The following NXPE2 variants were observed in gnomAD, a reference collection of about 807,000 sequenced individuals.
The protein encoded by NXPE2 is NXPE family member 2.
A neutral mutation model predicts 34.4 loss-of-function variants in NXPE2; 34 were observed. That is an observed-to-expected ratio of 0.99 (90% CI 0.75 to 1.31). The LOEUF (loss-of-function observed/expected upper bound fraction) is 1.31. NXPE2 is among the 40% of genes most tolerant of loss of function. NXPE2 has a pLI of 0.00. For synonymous variants in NXPE2, 235 were observed against 231.3 expected (o/e 1.02, Z -0.15); for missense variants, 649 against 672.5 (o/e 0.97, Z 0.39).
At chr11:114,637,829 A>T in the NXPE2 span, among the ~76,000 whole-genome samples, 5 of 151,968 alleles carry the variant, frequency 3.3e-5, no homozygotes, top group Non-Finnish European at 7.4e-5. Context: ...CTGCCAAGAG[A>T]TCTGCTGTTA....
the NXPE2 span, among the ~76,000 whole-genome samples, chr11:114,549,135 G>A: frequency 6.6e-6 from 1 of 151,864 alleles, no homozygotes; most frequent in Non-Finnish European, 1.5e-5. Context: ...AAGTAGCAGA[G>A]CACTGCTACT....
the NXPE2 span, among the ~76,000 whole-genome samples, chr11:114,712,292 G>C: frequency 6.6e-6 from 1 of 151,946 alleles, no homozygotes; most frequent in African/African-American, 2.4e-5. Flanking sequence ...ACAAACAAAT[G>C]GGACTACATC....
At chr11:114,612,934 A>G in the NXPE2 span, among the ~76,000 whole-genome samples, 4 of 151,878 alleles carry the variant, frequency 2.6e-5, no homozygotes, top group African/African-American at 9.7e-5. Context: ...GTTGCATCGC[A>G]TGTATCCACT....
At chr11:114,775,978 C>G in the NXPE2 span, among the ~76,000 whole-genome samples, 1 of 152,182 alleles carries the variant, frequency 6.6e-6, no homozygotes, top group Non-Finnish European at 1.5e-5. Context: ...CAATTCATTA[C>G]TGCAAGGATG....
At chr11:114,671,178 A>T in the NXPE2 span, among the ~76,000 whole-genome samples, 21,612 of 150,920 alleles carry the variant, frequency 0.14, 1,906 homozygotes, top group East Asian at 0.38. Flanking sequence ...ACTTAACAGT[A>T]GATTTGAACT....
chr11:114,559,026 C>G, the NXPE2 span, among the ~76,000 whole-genome samples: 183 of 152,196 alleles, frequency 1.2e-3, no homozygotes, highest in African/African-American at 3.8e-3. Context: ...CTAGATTTAC[C>G]TGTAATATGA....
chr11:114,692,458 G>T (rs1303093471), intron 2 of NXPE2, among the ~76,000 whole-genome samples: 1 of 152,184 alleles, frequency 6.6e-6, no homozygotes, highest in African/African-American at 2.4e-5. Context: ...ACCTGAGTCT[G>T]CTCCAGGCTT....
the NXPE2 span, among the ~76,000 whole-genome samples, chr11:114,623,602 C>T: frequency 4.6e-5 from 7 of 152,014 alleles, no homozygotes; most frequent in African/African-American, 1.2e-4. Context: ...TAAGTGTTGC[C>T]TCATGGGTTA....
At chr11:114,570,141 T>C in the NXPE2 span, among the ~76,000 whole-genome samples, 1 of 152,178 alleles carries the variant, frequency 6.6e-6, no homozygotes, top group African/African-American at 2.4e-5. Flanking sequence ...AGCCCTTTGT[T>C]TGGGGCTCAG....
the NXPE2 span, among the ~76,000 whole-genome samples, chr11:114,568,858 T>C: frequency 1.3e-5 from 2 of 152,184 alleles, no homozygotes; most frequent in Non-Finnish European, 2.9e-5. Flanking sequence ...TTATGTCTTT[T>C]TTGTTTATTA....
At chr11:114,613,374 T>C in the NXPE2 span, among the ~76,000 whole-genome samples, 3 of 151,718 alleles carry the variant, frequency 2.0e-5, no homozygotes, top group African/African-American at 7.3e-5. Flanking sequence ...GGTTACCCTG[T>C]GGAAAATAAG....
At chr11:114,519,202 T>C in the NXPE2 span, among the ~76,000 whole-genome samples, 6 of 147,122 alleles carry the variant, frequency 4.1e-5, no homozygotes, top group Admixed American at 2.0e-4. Flanking sequence ...TTTCTAAAGA[T>C]ACTTTACAGA....
the NXPE2 span, among the ~76,000 whole-genome samples, chr11:114,743,778 A>C: frequency 6.6e-6 from 1 of 150,628 alleles, no homozygotes; most frequent in African/African-American, 2.5e-5. Context: ...TTTAGTGAGC[A>C]TATATATATT....
At chr11:114,654,855 CA>C in the NXPE2 span, among the ~76,000 whole-genome samples, 2 of 152,152 alleles carry the variant, frequency 1.3e-5, no homozygotes, top group South Asian at 4.1e-4. Flanking sequence ...ATTGCTGGGT[CA>C]AATGGTATTT....
At chr11:114,768,906 C>G in the NXPE2 span, among the ~76,000 whole-genome samples, 1 of 152,094 alleles carries the variant, frequency 6.6e-6, no homozygotes, top group African/African-American at 2.4e-5. Context: ...TGGGCAAAGA[C>G]TTCATGACTA....
At chr11:114,748,194 C>A in the NXPE2 span, among the ~76,000 whole-genome samples, 1 of 152,004 alleles carries the variant, frequency 6.6e-6, no homozygotes, top group Non-Finnish European at 1.5e-5. Flanking sequence ...ACAATTTTAA[C>A]CTTACAGAAA....
chr11:114,617,509 G>T, the NXPE2 span, among the ~76,000 whole-genome samples: 1 of 151,534 alleles, frequency 6.6e-6, no homozygotes, highest in Non-Finnish European at 1.5e-5. Context: ...CTGTTAACCG[G>T]TGGATAATAC....
At chr11:114,652,721 AT>A in the NXPE2 span, among the ~76,000 whole-genome samples, 2 of 151,218 alleles carry the variant, frequency 1.3e-5, no homozygotes, top group African/African-American at 4.9e-5. Context: ...CTGAATGAAC[AT>A]GAAGAGTGAT....
the NXPE2 span, chr11:114,582,758 C>G: frequency 6.2e-7 from 1 of 1,614,192 alleles, no homozygotes; most frequent in Non-Finnish European, 8.5e-7. Context: ...TCACCTCCAG[C>G]AGGATGTGCA....
Sources: gnomAD v4.1 joint callset for allele counts (sites outside exome capture counted in the v4.1 genomes callset) on GRCh38, gnomAD v4.1.1 for gene constraint, MANE v1.5 for transcripts, NCBI Gene and HGNC (gene_info 2026-07-23, HGNC 2026-07-21) for gene names.